Variants in CCDC38 observed in about 807,000 individuals in gnomAD.
CCDC38 encodes the protein coiled-coil domain containing 38.
A neutral mutation model predicts 72.8 loss-of-function variants in CCDC38; 69 were observed. That is an observed-to-expected ratio of 0.95 (90% confidence interval 0.78 to 1.16). The LOEUF is 1.16. Among genes scored for constraint, CCDC38 ranks in the 50% most tolerant of loss-of-function variants. The pLI is 0.00. For synonymous variants in CCDC38, 201 were observed against 213.2 expected, an observed-to-expected ratio of 0.94 and a Z score of 0.50; for missense variants, 626 against 638.9, an observed-to-expected ratio of 0.98 and a Z score of 0.22.
intron 1 of CCDC38, among the ~76,000 whole-genome samples, chr12:95,937,585 C>T (rs979758718): frequency 5.9e-5 from 9 of 152,128 alleles, no homozygotes; most frequent in East Asian, 1.9e-4. Context: ...AAAATGTGCC[C>T]GCAGCAGAAA....
Position 95,895,371 on chromosome 12 carries a change from A to G in CCDC38, c.615-225T>C, listed in dbSNP as rs553090050. ...AAAACATGTCCAAGGATATGCACAC[A>G]TAGAATAGACATGATAGTTTTACTC... On this transcript the variant is annotated intron_variant, in intron 7 of 15. Coordinates refer to ENST00000344280, the MANE Select transcript of CCDC38 (RefSeq NM_182496.3). 2.6e-5 allele frequency among the ~76,000 whole-genome samples: 4 copies of G among 152,082 alleles called. No individual in the cohort carries two copies. The South Asian group carries it at 6.2e-4, about 24-fold the overall frequency.
chr12:95,867,866 A>G (rs1341952644), intron 15 of CCDC38, among the ~76,000 whole-genome samples: 4 of 152,186 alleles, frequency 2.6e-5, no homozygotes, highest in Non-Finnish European at 1.5e-5. Context: ...CCATAATTCT[A>G]TGAGATTTGA....
chr12:95,897,050 T>C (rs937862673), intron 7 of CCDC38, among the ~76,000 whole-genome samples: 4 of 152,152 alleles, frequency 2.6e-5, no homozygotes, highest in African/African-American at 7.2e-5. Flanking sequence ...GCTCCTAAAA[T>C]AGAAGAGCCT....
intron 2 of CCDC38, among the ~76,000 whole-genome samples, chr12:95,927,440 A>G (rs4762251): frequency 0.51 from 74,338 of 144,626 alleles, 19,763 homozygotes; most frequent in East Asian, 0.91. Flanking sequence ...GTCTCTGCAC[A>G]TGAGATGGGT....
chr12:95,917,052 C>T, intron 4 of CCDC38, 77 bp downstream of exon 4: 5 of 1,189,650 alleles, frequency 4.2e-6, no homozygotes, highest in Non-Finnish European at 5.8e-6. Context: ...TTTTAATCAC[C>T]CTCCAACAAA....
chr12:95,881,168 C>T (rs1192318216), intron 11 of CCDC38, among the ~76,000 whole-genome samples: 1 of 151,438 alleles, frequency 6.6e-6, no homozygotes, highest in Non-Finnish European at 1.5e-5. Context: ...CTACCCAACA[C>T]ATCTCAAGTC....
chr12:95,886,178 A>G (rs1470652369), intron 10 of CCDC38, among the ~76,000 whole-genome samples: 1 of 152,228 alleles, frequency 6.6e-6, no homozygotes, highest in East Asian at 1.9e-4. Flanking sequence ...AAATATGCCT[A>G]AGTGATTTTT....
At chr12:95,902,037 A>G in intron 5 of CCDC38, among the ~76,000 whole-genome samples, 1 of 152,220 alleles carries the variant, frequency 6.6e-6, no homozygotes, top group East Asian at 1.9e-4. Flanking sequence ...CAAGTTACCC[A>G]GAGTTAGCCA....
intron 12 of CCDC38, 94 bp from the exon 13 acceptor site, chr12:95,878,440 A>C (rs1435708854): frequency 8.1e-7 from 1 of 1,242,102 alleles, no homozygotes; most frequent in African/African-American, 1.5e-5. Flanking sequence ...TCATGTGTCA[A>C]AATCCATGTA....
At chr12:95,908,753 T>C (rs1240196805) in intron 4 of CCDC38, among the ~76,000 whole-genome samples, 1 of 150,242 alleles carries the variant, frequency 6.7e-6, no homozygotes, top group East Asian at 2.0e-4. Flanking sequence ...AAGACTGAAG[T>C]ATTTTAAATC....
intron 4 of CCDC38, among the ~76,000 whole-genome samples, chr12:95,907,608 G>A (rs1253928853): frequency 1.4e-5 from 2 of 139,532 alleles, no homozygotes; most frequent in East Asian, 4.3e-4. Context: ...TCCCGGACGG[G>A]TGGCTGCCGG....
At chr12:95,891,482 A>T (rs146132849) in intron 8 of CCDC38, among the ~76,000 whole-genome samples, 31 of 152,160 alleles carry the variant, frequency 2.0e-4, no homozygotes, top group African/African-American at 7.0e-4. Flanking sequence ...AGTAGCTGGG[A>T]CTACAGGTGT....
chr12:95,880,028 A>C (rs545707804), intron 11 of CCDC38: 13 of 294,514 alleles, frequency 4.4e-5, no homozygotes, highest in Non-Finnish European at 7.5e-5. Flanking sequence ...ATGGGGAAGA[A>C]AAAAGGAAGA....
chr12:95,939,099 T>A (rs2080422974), intron 1 of CCDC38, among the ~76,000 whole-genome samples: 1 of 152,218 alleles, frequency 6.6e-6, no homozygotes, highest in Non-Finnish European at 1.5e-5. Flanking sequence ...GCAAATAGTA[T>A]CTACCTTGTG....
intron 5 of CCDC38, among the ~76,000 whole-genome samples, chr12:95,904,478 A>C (rs1344212161): frequency 6.6e-6 from 1 of 152,270 alleles, no homozygotes; most frequent in East Asian, 1.9e-4. Context: ...AAAAGGAAAG[A>C]ATATGCATTG....
chr12:95,885,114 C>T (rs1248613292), intron 10 of CCDC38: 1 of 152,406 alleles, frequency 6.6e-6, no homozygotes, highest in Non-Finnish European at 1.5e-5. Context: ...GACCTCGAGA[C>T]TAATAGCTAC....
rs9795657 is a variant in CCDC38, at chr12:95,927,720, G to T, written c.38-8744C>A. ...TTTAGCACTTCCTTCAGGAGCTCTT[G>T]TAGGGCAGGCCTGGTGGTGACAAAA... On this transcript the variant is annotated intron_variant, in intron 2 of 15. Transcript: ENST00000344280. 2.8e-4 allele frequency among the ~76,000 whole-genome samples: 43 copies of T among 152,250 alleles called. No homozygotes were observed. In the South Asian group the frequency reaches 7.7e-3, roughly 27 times the overall value.
intron 9 of CCDC38, among the ~76,000 whole-genome samples, chr12:95,889,708 G>A (rs945686483): frequency 1.3e-5 from 2 of 152,008 alleles, no homozygotes; most frequent in Admixed American, 1.3e-4. Flanking sequence ...CTGAATTGGG[G>A]GCTGCAAACT....
chr12:95,920,896 A>T (rs1375858650), intron 2 of CCDC38, among the ~76,000 whole-genome samples: 1 of 152,180 alleles, frequency 6.6e-6, no homozygotes, highest in Non-Finnish European at 1.5e-5. Context: ...TCGGAGGCCG[A>T]GGTGGGTGGA....
Sources: gnomAD v4.1 joint callset for allele counts (sites outside exome capture counted in the v4.1 genomes callset) on GRCh38, gnomAD v4.1.1 for gene constraint, MANE v1.5 for transcripts, NCBI Gene and HGNC (gene_info 2026-07-23, HGNC 2026-07-21) for gene names.